The following APBA1 variants were observed in gnomAD, a reference collection of about 807,000 sequenced individuals.
APBA1 encodes amyloid-beta A4 precursor protein-binding family A member 1.
APBA1 carries 55 observed loss-of-function variants against 86.6 expected under a neutral mutation model. The observed-to-expected ratio is 0.64, with a 90% CI of 0.51 to 0.80. The LOEUF (loss-of-function observed/expected upper bound fraction) is 0.80, where lower values mean the gene tolerates loss of function less well. Ranked by LOEUF, APBA1 falls within the 30% of genes least tolerant of loss-of-function variation. The pLI is 0.00. For synonymous variants in APBA1, 511 were observed against 493.9 expected, an observed-to-expected ratio of 1.03 and a Z score of -0.46; for missense variants, 1,090 against 1,183.0, an observed-to-expected ratio of 0.92 and a Z score of 1.15.
intron 10 of APBA1, among the ~76,000 whole-genome samples, chr9:69,443,746 A>T (rs1834862318): frequency 6.6e-6 from 1 of 152,214 alleles, no homozygotes; most frequent in Non-Finnish European, 1.5e-5. Flanking sequence ...TCACATTCAC[A>T]CACAGCAAGA....
chr9:69,542,357 C>G (rs1025173298), intron 1 of APBA1, among the ~76,000 whole-genome samples: 8 of 152,178 alleles, frequency 5.3e-5, no homozygotes, highest in African/African-American at 1.9e-4. Flanking sequence ...CATGTATCCA[C>G]CATTATTGTT....
At chr9:69,470,091 C>T (rs1835342843) in intron 4 of APBA1, among the ~76,000 whole-genome samples, 1 of 152,064 alleles carries the variant, frequency 6.6e-6, no homozygotes. Context: ...GCCAAGCATC[C>T]AAGACACACA....
rs906332380 is a variant in APBA1 at position 69,429,947 on chromosome 9, T to G, written c.*1380A>C. ...GGACCAAGTGAAAACTGGCTCAGAA[T>G]TATAATATTACTAAAACATCTACAC... On this transcript the variant is annotated 3_prime_UTR_variant, in exon 13 of 13. Transcript: ENST00000265381. The G allele has an allele frequency of 1.3e-5, 2 of 151,764 alleles. No homozygotes were observed. The highest frequency in any genetic ancestry group is 4.8e-5 in the African/African-American group (2 of 41,270). 9.4% of individuals were successfully genotyped at this position (151,764 alleles called of 1,614,324 possible). A position where few individuals can be genotyped will look rare whatever the true frequency, so the allele number is the denominator to read the frequency against.
At chr9:69,617,027 T>TACAC (rs144629405) in intron 1 of APBA1, among the ~76,000 whole-genome samples, 4 of 151,584 alleles carry the variant, frequency 2.6e-5, no homozygotes, top group Non-Finnish European at 5.9e-5. Context: ...ATTGTAACCT[T>TACAC]ACACACACAC....
chr9:69,606,593 A>C (rs1194160506), intron 1 of APBA1, among the ~76,000 whole-genome samples: 1 of 142,374 alleles, frequency 7.0e-6, no homozygotes, highest in Admixed American at 7.7e-5. Context: ...CCAGGTTCAC[A>C]CCATTCTCCT....
At chr9:69,515,690 T>TGGGGGGGGGGGG (rs60382603) in intron 2 of APBA1, among the ~76,000 whole-genome samples, 16 of 110,796 alleles carry the variant, frequency 1.4e-4, no homozygotes, top group East Asian at 6.1e-4. Context: ...AATCAGAAAC[T>TGGGGGGGGGGGG]GGGGGGGGGG....
intron 2 of APBA1, among the ~76,000 whole-genome samples, chr9:69,492,860 C>G (rs112074206): frequency 6.6e-6 from 1 of 152,118 alleles, no homozygotes; most frequent in South Asian, 2.1e-4. Context: ...TTTCCTCCAA[C>G]GAAACTCGGC....
intron 1 of APBA1, among the ~76,000 whole-genome samples, chr9:69,593,608 C>A (rs1284045377): frequency 6.6e-6 from 1 of 152,114 alleles, no homozygotes; most frequent in Non-Finnish European, 1.5e-5. Flanking sequence ...CCAGCACATG[C>A]CTGAAGCACA....
At chr9:69,583,896 A>C (rs1349637951) in intron 1 of APBA1, among the ~76,000 whole-genome samples, 1 of 152,212 alleles carries the variant, frequency 6.6e-6, no homozygotes, top group African/African-American at 2.4e-5. Context: ...ATGGTACCTA[A>C]TGTGAAGGCA....
chr9:69,475,788 G>A (rs1835435288), intron 3 of APBA1, among the ~76,000 whole-genome samples: 1 of 152,182 alleles, frequency 6.6e-6, no homozygotes, highest in African/African-American at 2.4e-5. Context: ...CCCTGTCCGA[G>A]CACTTGAAAT....
rs141871509 is a variant in APBA1 at position 69,431,181 on chromosome 9, G to A, written c.*146C>T. 7.6e-3 allele frequency: 3,440 copies of A among 455,572 alleles called. 23 individuals are homozygous for A. The highest frequency in any genetic ancestry group is 0.011 in the Middle Eastern group (32 of 2,878). The allele number at this position is 455,572 out of a possible 1,614,324, so 28.2% of individuals were successfully genotyped here. ...AAAAAAGCAAATCGGAGAGAGTAAA[G>A]AGGTCCTTGTGGATTCTTCTCTTCC... On this transcript the variant is annotated 3_prime_UTR_variant, in exon 13 of 13. Transcript: ENST00000265381.
chr9:69,528,819 G>A (rs1429702939), intron 1 of APBA1, among the ~76,000 whole-genome samples: 1 of 151,862 alleles, frequency 6.6e-6, no homozygotes, highest in African/African-American at 2.4e-5. Context: ...AATCAGTTAA[G>A]CTATGTTAGT....
At chr9:69,504,653 T>C (rs955543803) in intron 2 of APBA1, among the ~76,000 whole-genome samples, 1 of 152,064 alleles carries the variant, frequency 6.6e-6, no homozygotes, top group East Asian at 1.9e-4. Context: ...TACACTCATC[T>C]GTTGGGGACT....
chr9:69,514,077 A>C (rs1836094489), intron 2 of APBA1, among the ~76,000 whole-genome samples: 1 of 152,250 alleles, frequency 6.6e-6, no homozygotes, highest in Non-Finnish European at 1.5e-5. Flanking sequence ...TATTCTGAAC[A>C]GATTGTGACA....
intron 1 of APBA1, among the ~76,000 whole-genome samples, chr9:69,582,149 T>C (rs1821923907): frequency 6.6e-6 from 1 of 152,216 alleles, no homozygotes; most frequent in African/African-American, 2.4e-5. Context: ...AGCTACATTT[T>C]CAGTCAATAG....
In APBA1 at chr9:69,516,935, G is replaced by A. The variant is rs1403807277; in HGVS notation, c.276C>T (p.Ala92=). 3.8e-6 allele frequency: 6 copies of A among 1,594,072 alleles called. No individual in the cohort carries two copies. The highest frequency in any genetic ancestry group is 3.4e-5 in the Admixed American group (2 of 59,384). The change falls in exon 2 of 13, where the codon GCC becomes GCT. Residue 92 remains alanine (A), a synonymous_variant. Transcript: ENST00000265381. This position sits in a 1 kb window ranked among gnomAD's most constrained non-coding sequence, Gnocchi z 7.3. The part of the protein sequence containing the change: ...ESGFHNHTDT[A]EGDVIAAARD... ...GGGCCGCGGCGATCACGTCGCCCTC[G>A]GCGGTGTCCGTGTGGTTGTGGAAGC... is the stretch of plus-strand genomic sequence containing the variant.
intron 3 of APBA1, among the ~76,000 whole-genome samples, chr9:69,474,661 G>A (rs1239808176): frequency 6.6e-6 from 1 of 152,202 alleles, no homozygotes; most frequent in Admixed American, 6.5e-5. Flanking sequence ...AAGTGTCTGA[G>A]GCTCAAGACC....
At chr9:69,574,014 A>G (rs1201191697) in intron 1 of APBA1, among the ~76,000 whole-genome samples, 1 of 152,214 alleles carries the variant, frequency 6.6e-6, no homozygotes, top group East Asian at 1.9e-4. Context: ...ATACACAAAC[A>G]TTTTTGTCCT....
intron 1 of APBA1, among the ~76,000 whole-genome samples, chr9:69,560,849 C>T (rs1472025792): frequency 6.6e-6 from 1 of 152,120 alleles, no homozygotes; most frequent in Non-Finnish European, 1.5e-5. Context: ...GATTTTGGAG[C>T]ATTTCAGATT....
Sources: allele counts gnomAD v4.1 joint callset (sites outside exome capture counted in the v4.1 genomes callset), GRCh38; gene constraint gnomAD v4.1.1; non-coding constraint Gnocchi (gnomAD v3.1); transcripts MANE v1.5; gene names NCBI Gene and HGNC (gene_info 2026-07-23, HGNC 2026-07-21).